The following CORO2A variants were observed in gnomAD, a reference collection of about 807,000 sequenced individuals.
The protein encoded by CORO2A is coronin-2A.
A neutral mutation model predicts 62.4 loss-of-function variants in CORO2A; 47 were observed. The ratio of observed to expected loss-of-function variants is 0.75; its 90% confidence interval spans 0.60 to 0.96. The LOEUF (loss-of-function observed/expected upper bound fraction) is 0.96, where lower values mean the gene tolerates loss of function less well. Ranked by LOEUF, CORO2A falls within the 40% of genes least tolerant of loss-of-function variation. CORO2A has a pLI of 0.00. For missense variants in CORO2A, 610 were observed against 684.1 expected, an observed-to-expected ratio of 0.89 and a Z score of 1.21; for synonymous variants, 273 against 268.9, an observed-to-expected ratio of 1.02 and a Z score of -0.15.
intron 1 of CORO2A, among the ~76,000 whole-genome samples, chr9:98,173,426 AG>A (rs1340148560): frequency 1.3e-5 from 2 of 152,184 alleles, no homozygotes. Flanking sequence ...CAGTTTTCTG[AG>A]GTTACACGAT....
chr9:98,157,009 C>A (rs1175210250), intron 2 of CORO2A, among the ~76,000 whole-genome samples: 1 of 152,132 alleles, frequency 6.6e-6, no homozygotes, highest in Non-Finnish European at 1.5e-5. Flanking sequence ...TTTATATGGT[C>A]CAACCTACGC....
intron 7 of CORO2A, among the ~76,000 whole-genome samples, chr9:98,130,220 A>T (rs553917847): frequency 6.6e-6 from 1 of 152,250 alleles, no homozygotes; most frequent in African/African-American, 2.4e-5. Flanking sequence ...AGGTGGGACC[A>T]CAGGTGTGTG....
At chr9:98,149,596 C>T (rs542729495) in intron 2 of CORO2A, among the ~76,000 whole-genome samples, 6 of 152,308 alleles carry the variant, frequency 3.9e-5, no homozygotes, top group African/African-American at 9.6e-5. Context: ...CCGCAGGCCA[C>T]GGGGAGGTGT....
intron 1 of CORO2A, among the ~76,000 whole-genome samples, chr9:98,164,908 G>A (rs1344119312): frequency 6.6e-6 from 1 of 151,904 alleles, no homozygotes; most frequent in African/African-American, 2.4e-5. Flanking sequence ...GTCTTACTTA[G>A]GCAAACAGGG....
In CORO2A at chr9:98,137,676, C is replaced by T. The variant is rs1156496404; in HGVS notation, c.214G>A (p.Asp72Asn). ...CCGCAGACTTTTGGGTAGTGGGGGTCCAACTTCCCTGTCTGCAAGACAGTG... is the reference window on the plus strand; with the variant it reads ...CCGCAGACTTTTGGGTAGTGGGGGTTCAACTTCCCTGTCTGCAAGACAGTG... Reference protein sequence around the residue: ...VIPLHQTGKLDPHYPKVCGHR... With the variant: ...VIPLHQTGKLNPHYPKVCGHR... Residue 72 changes from aspartate to asparagine, a missense_variant, in exon 3 of 12, where the codon GAC becomes AAC. Asp to Asn is a conservative substitution (Grantham distance 23). Transcript: ENST00000375077. 1 of 1,614,038 alleles carries T rather than the reference C, an allele frequency of 6.2e-7. No homozygotes were observed.
chr9:98,177,866 T>C (rs1478247511), intron 1 of CORO2A, among the ~76,000 whole-genome samples: 2 of 152,098 alleles, frequency 1.3e-5, no homozygotes, highest in African/African-American at 4.8e-5. Context: ...CCAGAGTGAC[T>C]GTAAATATCT....
In CORO2A at chr9:98,122,509, A is replaced by G. The variant is rs1827256467; in HGVS notation, c.*2265T>C. On this transcript the variant is annotated 3_prime_UTR_variant, in exon 12 of 12. Coordinates refer to ENST00000375077, the MANE Select transcript of CORO2A (RefSeq NM_052820.4). ...GTAAGGAGGGACCAATTTCACTTCT[A>G]ATCATTCCCAGTCTCTTGGTGGACT... is the stretch of plus-strand genomic sequence containing the variant. 6.6e-6 allele frequency: 1 copy of G among 151,850 alleles called. No individual in the cohort carries two copies. The highest frequency in any genetic ancestry group is 6.6e-5 in the Admixed American group (1 of 15,250). 9.4% of individuals were successfully genotyped at this position (151,850 alleles called of 1,614,324 possible).
intron 4 of CORO2A, among the ~76,000 whole-genome samples, chr9:98,134,567 G>A (rs538030350): frequency 1.7e-4 from 26 of 152,288 alleles, no homozygotes; most frequent in Admixed American, 4.6e-4. Context: ...AGAGAAGGCC[G>A]TGTGAAGACA....
At chr9:98,136,558 T>C (rs1483026739) in intron 3 of CORO2A, among the ~76,000 whole-genome samples, 1 of 152,260 alleles carries the variant, frequency 6.6e-6, no homozygotes, top group Non-Finnish European at 1.5e-5. Context: ...AGTTTCTCCA[T>C]CTGTGGCTGC....
chr9:98,161,486 G>A (rs187777415), intron 1 of CORO2A, among the ~76,000 whole-genome samples: 5 of 152,268 alleles, frequency 3.3e-5, no homozygotes, highest in South Asian at 2.1e-4. Context: ...CCGGGAATGC[G>A]GAGGTTGCAG....
chr9:98,126,973 C>A (rs923455630), intron 10 of CORO2A, 150 bp from the exon 11 acceptor site: 3 of 819,166 alleles, frequency 3.7e-6, no homozygotes, highest in South Asian at 1.6e-5. Flanking sequence ...TGTGGACAGG[C>A]CCAAACCCAC....
In CORO2A at chr9:98,149,935, C is replaced by CT. The variant is rs1249364126; in HGVS notation, c.201+7524dup. ...GACAAGTGAGTTTCTTTTTCTCTTT[C>CT]TTTTTTTTTTTTGAGAGAGTCTCGC... On this transcript the variant is annotated intron_variant, in intron 2 of 11. Transcript: ENST00000375077. 6.3e-3 allele frequency among the ~76,000 whole-genome samples: 798 copies of CT among 127,632 alleles called. 11 individuals carry two copies. The highest frequency in any genetic ancestry group is 0.053 in the East Asian group (215 of 4,040). 83.7% of individuals were successfully genotyped at this position (127,632 alleles called of 152,430 possible).
At chr9:98,182,317 G>A (rs1828188188) in intron 1 of CORO2A, among the ~76,000 whole-genome samples, 1 of 152,192 alleles carries the variant, frequency 6.6e-6, no homozygotes, top group African/African-American at 2.4e-5. Context: ...TCTGTGTGGG[G>A]CAGATATCTC....
intron 2 of CORO2A, among the ~76,000 whole-genome samples, chr9:98,156,624 AC>A (rs1292140281): frequency 6.6e-6 from 1 of 152,216 alleles, no homozygotes; most frequent in Admixed American, 6.5e-5. Flanking sequence ...TGTTCAGGAA[AC>A]CTGGTCTATG....
intron 1 of CORO2A, among the ~76,000 whole-genome samples, chr9:98,177,014 GGGA>G (rs1828117027): frequency 6.6e-6 from 1 of 152,194 alleles, no homozygotes; most frequent in Non-Finnish European, 1.5e-5. Flanking sequence ...CGTTTGTGGA[GGGA>G]CAAATTCCAA....
At chr9:98,148,097 GAA>G (rs374306151) in intron 2 of CORO2A, among the ~76,000 whole-genome samples, 69,826 of 142,622 alleles carry the variant, frequency 0.49, 17,284 homozygotes, top group African/African-American at 0.61. Flanking sequence ...AAAAAAAAAA[GAA>G]AAAAAAAAAA....
At chr9:98,133,242 A>G in intron 4 of CORO2A, 25 bp from the exon 5 acceptor site, 2 of 1,611,898 alleles carry the variant, frequency 1.2e-6, no homozygotes, top group Middle Eastern at 1.7e-4. Flanking sequence ...GCCAGCTCTG[A>G]GCACAGGGGC....
intron 8 of CORO2A, among the ~76,000 whole-genome samples, chr9:98,129,300 T>C (rs60227744): frequency 0.016 from 2,466 of 152,322 alleles, 58 homozygotes; most frequent in African/African-American, 0.057. Context: ...CAGATTCCTT[T>C]TGAGTAGGGT....
rs1827326720 is a variant in CORO2A, at chr9:98,126,752, T to C, written c.1243A>G (p.Ile415Val). Residue 415 changes from isoleucine to valine, a missense_variant, in exon 11 of 12, where the codon ATC becomes GTC. Ile to Val is a conservative substitution (Grantham distance 29). Coordinates refer to ENST00000375077, the MANE Select transcript of CORO2A (RefSeq NM_052820.4). Reference sequence around the variant, plus strand: ...GAGGCTGGGGCCATGGAATTGAAGATAGGTCTCTCTGCAGGCAGTGGGTGG... The same window carrying C: ...GAGGCTGGGGCCATGGAATTGAAGACAGGTCTCTCTGCAGGCAGTGGGTGG... ...RPHPLPAERP[I>V]FNSMAPASPR... The C allele has an allele frequency of 1.9e-6, 3 of 1,614,048 alleles. No individual in the cohort carries two copies. The highest frequency in any genetic ancestry group is 2.5e-6 in the Non-Finnish European group (3 of 1,180,050).
Sources: allele counts gnomAD v4.1 joint callset (sites outside exome capture counted in the v4.1 genomes callset), GRCh38; gene constraint gnomAD v4.1.1; transcripts MANE v1.5; gene names NCBI Gene and HGNC (gene_info 2026-07-23, HGNC 2026-07-21).